ABL2: variants seen among roughly 807,000 people sequenced by gnomAD.
ABL2 encodes the protein ABL proto-oncogene 2, non-receptor tyrosine kinase.
A neutral mutation model predicts 107.7 loss-of-function variants in ABL2; 49 were observed. The ratio of observed to expected loss-of-function variants is 0.45; its 90% confidence interval spans 0.36 to 0.58. The LOEUF (loss-of-function observed/expected upper bound fraction) is 0.58. Among genes scored for constraint, ABL2 ranks in the 20% least tolerant of loss-of-function variants. ABL2 has a pLI of 0.00. For synonymous variants in ABL2, 549 were observed against 548.6 expected (o/e 1.00, Z -0.01); for missense variants, 1,245 against 1,457.0 (o/e 0.85, Z 2.37).
At chr1:179,226,727 C>T (rs1663239864) in intron 1 of ABL2, among the ~76,000 whole-genome samples, 1 of 152,178 alleles carries the variant, frequency 6.6e-6, no homozygotes, top group East Asian at 1.9e-4. Flanking sequence ...ATTATCACCA[C>T]TTTACAAATG....
intron 1 of ABL2, 34 bp downstream of exon 1, chr1:179,229,207 C>CCCCCCCCCCCCCCACAA: frequency 1.3e-6 from 2 of 1,485,454 alleles, no homozygotes; most frequent in Non-Finnish European, 9.0e-7. Context: ...CCGGCCTCCC[C>CCCCCCCCCCCCCCACAA]CACGCTCTCA....
chr1:179,185,849 C>A (rs1660657056), intron 1 of ABL2, among the ~76,000 whole-genome samples: 1 of 152,054 alleles, frequency 6.6e-6, no homozygotes, highest in Non-Finnish European at 1.5e-5. Flanking sequence ...TAAAAAATTA[C>A]CTTCTAAACC....
rs866204182 is a variant in ABL2 at position 179,100,515 on chromosome 1, G to A, written c.*7203C>T. 1.7e-5 allele frequency: 4 copies of A among 228,716 alleles called. No homozygotes were observed. Among genetic ancestry groups the A allele is most frequent in the Middle Eastern group, 2.6e-3 (2 of 762 alleles). The allele number at this position is 228,716 out of a possible 1,614,324, so 14.2% of individuals were successfully genotyped here. On this transcript the variant is annotated 3_prime_UTR_variant, in exon 12 of 12. Transcript: ENST00000502732. ...TCCCATTCTCCAACTAAAGTTTATG[G>A]TGCCTAATTCCGAAGCAAATTTAAG...
intron 1 of ABL2, among the ~76,000 whole-genome samples, chr1:179,182,962 C>CA (rs1320791938): frequency 6.6e-6 from 1 of 152,064 alleles, no homozygotes; most frequent in East Asian, 1.9e-4. Context: ...AGTGGATTGT[C>CA]ATAGTATTGC....
In ABL2 at chr1:179,108,440, GA is replaced by G. The variant is rs1256653628; in HGVS notation, c.2826del (p.Pro943GlnfsTer36). 16 of 1,614,234 alleles carry G rather than the reference GA, an allele frequency of 9.9e-6. No individual in the cohort carries two copies. In the Admixed American group the frequency reaches 1.5e-4, roughly 15 times the overall value. The stretch of plus-strand genomic sequence containing the variant: ...GTGCCAATGAGCTGCACGTCAGCTG[GA>G]GTGTGTTTCAGAGTGGGTGAGATAA... ...PVLISPTLKH[T>X]PADVQLIGTD... On this transcript the variant is annotated frameshift_variant, in exon 12 of 12. Transcript: ENST00000502732. LOFTEE classifies it high-confidence loss of function.
chr1:179,217,856 C>T (rs1662658077), intron 1 of ABL2, among the ~76,000 whole-genome samples: 1 of 152,024 alleles, frequency 6.6e-6, no homozygotes, highest in Non-Finnish European at 1.5e-5. Flanking sequence ...TAAAAAATAC[C>T]TAAAAATCTT....
intron 1 of ABL2, among the ~76,000 whole-genome samples, chr1:179,227,144 C>T (rs144823125): frequency 6.4e-4 from 98 of 152,296 alleles, no homozygotes; most frequent in Non-Finnish European, 1.0e-3. Flanking sequence ...TCCAGCCTAT[C>T]AAAATTTTCT....
chr1:179,204,218 G>A lies in ABL2; in HGVS notation c.157+25023C>T, dbSNP rs372565123. ...ATTTTTGTATTTTTAGTAGAAATAG[G>A]GTTTTGCCATGTTGGCCAGGCTGAT... On this transcript the variant is annotated intron_variant, in intron 1 of 11. Coordinates refer to ENST00000502732, the MANE Select transcript of ABL2 (RefSeq NM_007314.4). 4.6e-5 allele frequency among the ~76,000 whole-genome samples: 7 copies of A among 151,812 alleles called. No homozygotes were observed. The East Asian group carries it at 1.2e-3, about 26-fold the overall frequency.
In ABL2 at chr1:179,148,036, T is replaced by G. The variant is rs1308753128; in HGVS notation, c.158-14662A>C. On this transcript the variant is annotated intron_variant, in intron 1 of 11. Coordinates refer to ENST00000502732, the MANE Select transcript of ABL2 (RefSeq NM_007314.4). ...GCAAGTCTATCAGCACCACTTTTCTTTTCTTTTTTTTTTTTTTTTTGAGAC... is the reference window on the plus strand; with the variant it reads ...GCAAGTCTATCAGCACCACTTTTCTGTTCTTTTTTTTTTTTTTTTTGAGAC... Among the ~76,000 whole-genome samples, 15 of 124,406 alleles carry G rather than the reference T, an allele frequency of 1.2e-4. No homozygotes were observed. The Admixed American group carries it at 1.3e-3, about 11-fold the overall frequency. The allele number at this position is 124,406 out of a possible 152,430, so 81.6% of individuals were successfully genotyped here. A position where few individuals can be genotyped will look rare whatever the true frequency, so the allele number is the denominator to read the frequency against.
chr1:179,105,549 T>G lies in ABL2; in HGVS notation c.*2169A>C. 1 of 229,258 alleles carries G rather than the reference T, an allele frequency of 4.4e-6. No individual in the cohort carries two copies. Among genetic ancestry groups the G allele is most frequent in the African/African-American group, 2.2e-5 (1 of 45,156 alleles). The allele number at this position is 229,258 out of a possible 1,614,324, so 14.2% of individuals were successfully genotyped here. ...AGGACCGCTGGTTTTTACATCTGAG[T>G]TCTCTTCCAACCACTAGGAGGAGAT... On this transcript the variant is annotated 3_prime_UTR_variant, in exon 12 of 12. Transcript: ENST00000502732.
chr1:179,105,672 T>C lies in ABL2; in HGVS notation c.*2046A>G, dbSNP rs1653423920. On this transcript the variant is annotated 3_prime_UTR_variant, in exon 12 of 12. Coordinates refer to ENST00000502732, the MANE Select transcript of ABL2 (RefSeq NM_007314.4). ...AATGCCCAGCACCGCGTGTCTCCTC[T>C]AATCCTCTTAACCTGGGCCTCCTTT... The C allele has an allele frequency of 1.3e-5, 3 of 226,626 alleles. No individual in the cohort carries two copies. The highest frequency in any genetic ancestry group is 2.6e-5 in the Non-Finnish European group (3 of 114,002). The allele number at this position is 226,626 out of a possible 1,614,324, so 14.0% of individuals were successfully genotyped here. A position where few individuals can be genotyped will look rare whatever the true frequency, so the allele number is the denominator to read the frequency against.
At chr1:179,205,333 C>T (rs1661904149) in intron 1 of ABL2, among the ~76,000 whole-genome samples, 1 of 152,132 alleles carries the variant, frequency 6.6e-6, no homozygotes, top group African/African-American at 2.4e-5. Context: ...CCCATTACAA[C>T]TCTTCATCAA....
At chr1:179,217,009 T>C (rs759699130) in intron 1 of ABL2, among the ~76,000 whole-genome samples, 5 of 151,648 alleles carry the variant, frequency 3.3e-5, no homozygotes, top group East Asian at 2.0e-4. Context: ...TATAAGATGA[T>C]TGGAGGCCAG....
rs1208663425 is a variant in ABL2, at chr1:179,186,767, C to T, written c.157+42474G>A. ...TACTATTTATTTATTTACAGAGTCT[C>T]GTTCTGTCACTCAGGCTGGAGTGCA... On this transcript the variant is annotated intron_variant, in intron 1 of 11. Coordinates refer to ENST00000502732, the MANE Select transcript of ABL2 (RefSeq NM_007314.4). Among the ~76,000 whole-genome samples, 3 of 151,914 alleles carry T rather than the reference C, an allele frequency of 2.0e-5. No homozygotes were observed. The South Asian group carries it at 6.2e-4, about 32-fold the overall frequency.
chr1:179,172,630 G>A lies in ABL2; in HGVS notation c.158-39256C>T, dbSNP rs117185967. Among the ~76,000 whole-genome samples, 145 of 152,198 alleles carry A rather than the reference G, an allele frequency of 9.5e-4. 1 individual carries two copies. The highest frequency in any genetic ancestry group is 4.2e-3 in the East Asian group (22 of 5,188). The stretch of plus-strand genomic sequence containing the variant: ...CCATAGAAATATTTATATCTTCATA[G>A]GATACAGAGTTAAAATAAAAGCAAT... On this transcript the variant is annotated intron_variant, in intron 1 of 11. Coordinates refer to ENST00000502732, the MANE Select transcript of ABL2 (RefSeq NM_007314.4).
chr1:179,161,390 C>T (rs1193723016), intron 1 of ABL2, among the ~76,000 whole-genome samples: 1 of 149,180 alleles, frequency 6.7e-6, no homozygotes, highest in Non-Finnish European at 1.5e-5. Context: ...GATTTAAAAA[C>T]TAAATGATAC....
chr1:179,226,411 C>G (rs559390229), intron 1 of ABL2, among the ~76,000 whole-genome samples: 1 of 150,154 alleles, frequency 6.7e-6, no homozygotes, highest in Non-Finnish European at 1.5e-5. Flanking sequence ...CGGGTTCAAG[C>G]GATTCTCCTG....
intron 1 of ABL2, among the ~76,000 whole-genome samples, chr1:179,153,614 T>C (rs1658499840): frequency 6.6e-6 from 1 of 152,170 alleles, no homozygotes; most frequent in African/African-American, 2.4e-5. Flanking sequence ...TGATGGCATT[T>C]AGGGTCCAAC....
chr1:179,118,538 A>AT, intron 7 of ABL2, 49 bp downstream of exon 7: 1 of 1,548,756 alleles, frequency 6.5e-7, no homozygotes, highest in Non-Finnish European at 8.8e-7. Flanking sequence ...TTTTATCTGC[A>AT]TGTCAAGCAA....
Sources: gnomAD v4.1 joint callset for allele counts (sites outside exome capture counted in the v4.1 genomes callset) on GRCh38, gnomAD v4.1.1 for gene constraint, MANE v1.5 for transcripts, NCBI Gene and HGNC (gene_info 2026-07-23, HGNC 2026-07-21) for gene names.